Variants in FOXO3 observed in about 807,000 individuals in gnomAD.
FOXO3 encodes forkhead box O3.
Under a neutral mutation model 41.9 loss-of-function variants are expected in FOXO3, and 4 were observed. The ratio of observed to expected loss-of-function variants is 0.10; its 90% CI spans 0.05 to 0.22. The LOEUF (loss-of-function observed/expected upper bound fraction) is 0.22, where lower values mean the gene tolerates loss of function less well. Among genes scored for constraint, FOXO3 ranks in the 10% least tolerant of loss-of-function variants. The pLI is 1.00. For missense variants in FOXO3, 534 were observed against 906.8 expected (o/e 0.59, Z 5.28); for synonymous variants, 318 against 389.3 (o/e 0.82, Z 2.16).
intron 1 of FOXO3, among the ~76,000 whole-genome samples, chr6:108,656,695 C>G (rs1778698484): frequency 6.6e-6 from 1 of 152,136 alleles, no homozygotes; most frequent in Admixed American, 6.5e-5. Context: ...TTTTATCCTG[C>G]CTGTGGGAAT....
rs112124249 is a variant in FOXO3 at position 108,663,664 on chromosome 6, C to A, written c.831C>A (p.Ala277=). 1.2e-6 allele frequency: 2 copies of A among 1,612,882 alleles called. No individual in the cohort carries two copies. Among genetic ancestry groups the A allele is most frequent in the Non-Finnish European group, 1.7e-6 (2 of 1,179,394 alleles). The change falls in exon 2 of 3, where the codon GCC becomes GCA. Residue 277 remains alanine, a synonymous_variant. Transcript: ENST00000406360. ...AAKKKAALQT[A]PESADDSPSQ... Reference sequence around the variant, plus strand: ...AGAAGAAGGCAGCCCTGCAGACAGCCCCCGAATCAGCTGACGACAGTCCCT... The same window carrying A: ...AGAAGAAGGCAGCCCTGCAGACAGCACCCGAATCAGCTGACGACAGTCCCT...
chr6:108,563,346 C>T (rs1212233925), intron 1 of FOXO3, among the ~76,000 whole-genome samples: 1 of 152,130 alleles, frequency 6.6e-6, no homozygotes, highest in Non-Finnish European at 1.5e-5. Flanking sequence ...CATTATGAGT[C>T]TTATATTTGG....
intron 1 of FOXO3, among the ~76,000 whole-genome samples, chr6:108,649,888 A>G (rs1380672225): frequency 6.6e-6 from 1 of 152,126 alleles, no homozygotes; most frequent in Non-Finnish European, 1.5e-5. Flanking sequence ...TGGCTCAGAA[A>G]CATCTGTTTC....
chr6:108,654,910 C>T (rs147558279), intron 1 of FOXO3, among the ~76,000 whole-genome samples: 12 of 152,228 alleles, frequency 7.9e-5, no homozygotes, highest in East Asian at 1.9e-4. Context: ...TTATATATGA[C>T]GTAATAACTC....
chr6:108,617,264 A>G (rs1275787374), intron 1 of FOXO3, among the ~76,000 whole-genome samples: 2 of 152,132 alleles, frequency 1.3e-5, no homozygotes, highest in East Asian at 3.9e-4. Flanking sequence ...TGCTAGTCCC[A>G]TCATCTTGTC....
intron 1 of FOXO3, among the ~76,000 whole-genome samples, chr6:108,581,120 G>A (rs1582742969): frequency 6.6e-6 from 1 of 152,184 alleles, no homozygotes; most frequent in Non-Finnish European, 1.5e-5. Flanking sequence ...GTTGAACAGC[G>A]ACATCGTGCT....
At chr6:108,629,818 C>T (rs1222845075) in intron 1 of FOXO3, among the ~76,000 whole-genome samples, 1 of 152,106 alleles carries the variant, frequency 6.6e-6, no homozygotes. Flanking sequence ...TATTTTTCCT[C>T]CATAAATTCC....
At chr6:108,581,459 A>T (rs1244637618) in intron 1 of FOXO3, among the ~76,000 whole-genome samples, 2 of 152,216 alleles carry the variant, frequency 1.3e-5, no homozygotes, top group Non-Finnish European at 2.9e-5. Context: ...ATTTCTTCAA[A>T]GAACATTATC....
intron 1 of FOXO3, among the ~76,000 whole-genome samples, chr6:108,587,962 C>T (rs2128362111): frequency 6.6e-6 from 1 of 152,344 alleles, no homozygotes; most frequent in African/African-American, 2.4e-5. Flanking sequence ...CTCCCTCCTC[C>T]TCTAGCTTCT....
At chr6:108,639,596 C>G in intron 1 of FOXO3, 1 of 985,078 alleles carries the variant, frequency 1.0e-6, no homozygotes, top group Non-Finnish European at 1.2e-6. Flanking sequence ...GGAGGTGGAC[C>G]CTGCCTCAAA....
intron 1 of FOXO3, among the ~76,000 whole-genome samples, chr6:108,638,798 T>C (rs1582803714): frequency 6.6e-6 from 1 of 152,218 alleles, no homozygotes; most frequent in Non-Finnish European, 1.5e-5. Context: ...GGTATAGAGC[T>C]GTTTTAAGAC....
intron 1 of FOXO3, among the ~76,000 whole-genome samples, chr6:108,626,839 A>T (rs564221832): frequency 6.6e-6 from 1 of 152,236 alleles, no homozygotes; most frequent in Admixed American, 6.5e-5. Context: ...CTAAGGTTTA[A>T]CATTGGAAGT....
In FOXO3 at chr6:108,561,178, A is replaced by G; in HGVS notation, c.-31A>G. 1 of 1,521,838 alleles carries G rather than the reference A, an allele frequency of 6.6e-7. No individual in the cohort carries two copies. The highest frequency in any genetic ancestry group is 8.8e-7 in the Non-Finnish European group (1 of 1,137,424). 94.3% of individuals were successfully genotyped at this position (1,521,838 alleles called of 1,614,324 possible). On this transcript the variant is annotated 5_prime_UTR_variant, in exon 1 of 3. Transcript: ENST00000406360. ...CCCCGGCGCGAGAGGAGAGCGCGAGAGCCCCAGCCGCGGGCGGGCGGGCGG... is the reference window on the plus strand; with the variant it reads ...CCCCGGCGCGAGAGGAGAGCGCGAGGGCCCCAGCCGCGGGCGGGCGGGCGG...
At chr6:108,658,923 C>T (rs1057187052) in intron 1 of FOXO3, among the ~76,000 whole-genome samples, 9 of 151,154 alleles carry the variant, frequency 6.0e-5, no homozygotes, top group African/African-American at 1.7e-4. Flanking sequence ...TGTGCTCTGT[C>T]GCCCAGGCTG....
rs189391037 is a variant in FOXO3, at chr6:108,592,359, A to C, written c.621+30530A>C. Among the ~76,000 whole-genome samples the C allele has an allele frequency of 2.0e-5, 3 of 152,334 alleles. No homozygotes were observed. The East Asian group carries it at 5.8e-4, about 29-fold the overall frequency. On this transcript the variant is annotated intron_variant, in intron 1 of 2. Transcript: ENST00000406360. ...GTGGTTGGAATTTTTTGTGTAACTTAAGGCCAAATAGTCCATTTACGCCAG... is the reference window on the plus strand; with the variant it reads ...GTGGTTGGAATTTTTTGTGTAACTTCAGGCCAAATAGTCCATTTACGCCAG...
chr6:108,657,390 C>A (rs1416479244), intron 1 of FOXO3, among the ~76,000 whole-genome samples: 1 of 152,090 alleles, frequency 6.6e-6, no homozygotes, highest in Non-Finnish European at 1.5e-5. Context: ...GTCATAGTAG[C>A]TTCTTAGCTT....
chr6:108,607,027 G>C (rs1777223229), intron 1 of FOXO3, among the ~76,000 whole-genome samples: 1 of 152,164 alleles, frequency 6.6e-6, no homozygotes, highest in African/African-American at 2.4e-5. Context: ...TGTTGTCACT[G>C]TTTCTCAGAC....
chr6:108,578,890 C>T (rs1188835081), intron 1 of FOXO3, among the ~76,000 whole-genome samples: 1 of 152,152 alleles, frequency 6.6e-6, no homozygotes, highest in Non-Finnish European at 1.5e-5. Context: ...CTAAAAGGCG[C>T]ACGACCTCTT....
chr6:108,614,399 A>G (rs981904746), intron 1 of FOXO3, among the ~76,000 whole-genome samples: 15 of 152,252 alleles, frequency 9.9e-5, no homozygotes, highest in South Asian at 2.1e-4. Context: ...TTGAAAATCT[A>G]TTATTAGGCA....
Sources: allele counts gnomAD v4.1 joint callset (sites outside exome capture counted in the v4.1 genomes callset), GRCh38; gene constraint gnomAD v4.1.1; transcripts MANE v1.5; gene names NCBI Gene and HGNC (gene_info 2026-07-23, HGNC 2026-07-21).